Variants in SPATA17 observed in about 807,000 individuals in gnomAD.
SPATA17 encodes spermatogenesis associated 17, also known as spermatogenesis-associated protein 17.
A neutral mutation model predicts 62.2 loss-of-function variants in SPATA17; 53 were observed. That is an observed-to-expected ratio of 0.85 (90% confidence interval 0.68 to 1.07). SPATA17 has a LOEUF of 1.07. SPATA17 is among the 50% of genes least tolerant of loss of function. SPATA17 has a pLI of 0.00. For missense variants in SPATA17, 466 were observed against 425.5 expected (o/e 1.10, Z -0.84); for synonymous variants, 146 against 146.8 (o/e 0.99, Z 0.04).
chr1:217,634,872 T>C (rs919924951), intron 1 of SPATA17, among the ~76,000 whole-genome samples: 8 of 151,426 alleles, frequency 5.3e-5, no homozygotes, highest in Admixed American at 1.3e-4. Flanking sequence ...GCAGTTCCAT[T>C]GTCACTTGAC....
At chr1:217,666,297 GA>G (rs1043850057) in intron 3 of SPATA17, among the ~76,000 whole-genome samples, 6 of 151,878 alleles carry the variant, frequency 4.0e-5, no homozygotes, top group Admixed American at 3.9e-4. Flanking sequence ...TTCATGGAAT[GA>G]AAAAAACAAA....
intron 4 of SPATA17, among the ~76,000 whole-genome samples, chr1:217,673,143 A>G (rs1442959971): frequency 6.6e-6 from 1 of 152,096 alleles, no homozygotes; most frequent in Admixed American, 6.6e-5. Flanking sequence ...TACTGTAATG[A>G]TGTAGATAAA....
At chr1:217,839,154 T>C (rs990125412) in intron 9 of SPATA17, among the ~76,000 whole-genome samples, 1 of 152,094 alleles carries the variant, frequency 6.6e-6, no homozygotes, top group African/African-American at 2.4e-5. Flanking sequence ...TTTCTTCTAA[T>C]GCTAAAAGTA....
At position 217,700,367 on chromosome 1, in the gene SPATA17, A is replaced by G. The variant is rs900364498; in HGVS notation, c.395+17006A>G. Among the ~76,000 whole-genome samples, 15 of 152,312 alleles carry G rather than the reference A, an allele frequency of 9.8e-5. No individual in the cohort carries two copies. The South Asian group carries it at 3.1e-3, about 32-fold the overall frequency. On this transcript the variant is annotated intron_variant, in intron 5 of 10. Transcript: ENST00000366933. The stretch of plus-strand genomic sequence containing the variant: ...AGGTTTTCATGGTTAGGCTTTCAGC[A>G]TATGTATGGCCTATGTATATATGCT...
chr1:217,841,641 G>C (rs996280432), intron 9 of SPATA17, among the ~76,000 whole-genome samples: 1 of 151,762 alleles, frequency 6.6e-6, no homozygotes, highest in Non-Finnish European at 1.5e-5. Flanking sequence ...GAATCATTTT[G>C]TCCAAGCACG....
At chr1:217,857,333 A>G (rs946797593) in intron 9 of SPATA17, among the ~76,000 whole-genome samples, 41 of 152,126 alleles carry the variant, frequency 2.7e-4, no homozygotes, top group African/African-American at 8.9e-4. Context: ...CTTGGGTTTG[A>G]AAAAGGACCT....
At chr1:217,690,968 A>G (rs1341850951) in intron 5 of SPATA17, among the ~76,000 whole-genome samples, 1 of 147,072 alleles carries the variant, frequency 6.8e-6, no homozygotes, top group East Asian at 2.0e-4. Context: ...ATGTGTCTTT[A>G]TAGCAGCATG....
Position 217,683,240 on chromosome 1 carries a change from CTTTA to C in SPATA17, c.292-13_292-10del. 1.3e-6 allele frequency: 2 copies of C among 1,541,508 alleles called. No individual in the cohort carries two copies. Among genetic ancestry groups the C allele is most frequent in the Non-Finnish European group, 1.8e-6 (2 of 1,129,012 alleles). ...AAGTGTTTAATGGCATATTTTATCT[CTTTA>C]TTTACTTTAATAGATTCAGAGACGA... On this transcript the variant is annotated splice_polypyrimidine_tract_variant and intron_variant, in intron 4 of 10. Coordinates refer to ENST00000366933, the MANE Select transcript of SPATA17 (RefSeq NM_138796.4).
At chr1:217,660,029 T>C (rs1670532125) in intron 3 of SPATA17, among the ~76,000 whole-genome samples, 1 of 152,220 alleles carries the variant, frequency 6.6e-6, no homozygotes. Flanking sequence ...AAATATGCTT[T>C]AGTCGTATTC....
chr1:217,635,639 G>A (rs1046137800), intron 1 of SPATA17, among the ~76,000 whole-genome samples: 4 of 152,110 alleles, frequency 2.6e-5, no homozygotes, highest in African/African-American at 7.2e-5. Context: ...AGGAGGCAGA[G>A]GTTGAAGTGA....
intron 8 of SPATA17, among the ~76,000 whole-genome samples, chr1:217,801,048 T>G (rs539164851): frequency 6.6e-6 from 1 of 152,330 alleles, no homozygotes; most frequent in Admixed American, 6.5e-5. Flanking sequence ...CTTCGATTTT[T>G]ACATCTGCTT....
At chr1:217,688,448 G>A (rs964128672) in intron 5 of SPATA17, among the ~76,000 whole-genome samples, 2 of 152,110 alleles carry the variant, frequency 1.3e-5, no homozygotes, top group Admixed American at 6.6e-5. Context: ...TCAAAACAGT[G>A]TTAAGAGAGA....
intron 9 of SPATA17, among the ~76,000 whole-genome samples, chr1:217,838,973 G>A (rs1042441239): frequency 1.3e-5 from 2 of 151,782 alleles, no homozygotes; most frequent in African/African-American, 4.8e-5. Context: ...AAGCCTCTCA[G>A]TATTTTAGAG....
chr1:217,862,068 G>GA (rs549453334), intron 9 of SPATA17, among the ~76,000 whole-genome samples: 1,552 of 129,714 alleles, frequency 0.012, 8 homozygotes, highest in African/African-American at 0.022. Flanking sequence ...GTTTTCTTAA[G>GA]AAAAAAAAAA....
At chr1:217,690,581 T>C (rs1488350181) in intron 5 of SPATA17, among the ~76,000 whole-genome samples, 1 of 141,336 alleles carries the variant, frequency 7.1e-6, no homozygotes, top group Non-Finnish European at 1.5e-5. Flanking sequence ...GCTGGTGCGC[T>C]GCACCCACTA....
In SPATA17 at chr1:217,669,054, A is replaced by G. The variant is rs765903216; in HGVS notation, c.262A>G (p.Met88Val). The G allele has an allele frequency of 1.7e-5, 27 of 1,611,726 alleles. No homozygotes were observed. The highest frequency in any genetic ancestry group is 1.7e-5 in the Non-Finnish European group (20 of 1,179,246). The change falls in exon 4 of 11, where the codon ATG (methionine) becomes GTG (valine). Residue 88 changes from methionine (M) to valine (V), a missense_variant. Physicochemically the swap from Met to Val is conservative, Grantham distance 21. Coordinates refer to ENST00000366933, the MANE Select transcript of SPATA17 (RefSeq NM_138796.4). The part of the protein sequence containing the change: ...TVQVAYYTMM[M>V]NLYNAMAVRI... ...ACAGGTAGCATATTATACTATGATGATGAATCTCTACAATGCAATGGCTGT... is the reference window on the plus strand; with the variant it reads ...ACAGGTAGCATATTATACTATGATGGTGAATCTCTACAATGCAATGGCTGT...
At chr1:217,712,565 TCCAG>T (rs1327997118) in intron 5 of SPATA17, among the ~76,000 whole-genome samples, 1 of 152,126 alleles carries the variant, frequency 6.6e-6, no homozygotes, top group Non-Finnish European at 1.5e-5. Context: ...TGCCCCCTCC[TCCAG>T]CCCCAGGCCT....
chr1:217,633,032 T>G (rs978210123), intron 1 of SPATA17, among the ~76,000 whole-genome samples: 2 of 151,938 alleles, frequency 1.3e-5, no homozygotes, highest in Non-Finnish European at 2.9e-5. Flanking sequence ...ACCCTGTCTC[T>G]CCTAAAATTA....
At chr1:217,849,295 T>G (rs1675593250) in intron 9 of SPATA17, among the ~76,000 whole-genome samples, 1 of 152,170 alleles carries the variant, frequency 6.6e-6, no homozygotes, top group Non-Finnish European at 1.5e-5. Context: ...AGTGACTTTC[T>G]GTGGATGGGC....
Sources: gnomAD v4.1 joint callset for allele counts (sites outside exome capture counted in the v4.1 genomes callset) on GRCh38, gnomAD v4.1.1 for gene constraint, MANE v1.5 for transcripts, NCBI Gene and HGNC (gene_info 2026-07-23, HGNC 2026-07-21) for gene names.